The following ABCC11 variants were observed in gnomAD, a reference collection of about 807,000 sequenced individuals.
The protein encoded by ABCC11 is ATP-binding cassette sub-family C member 11.
A neutral mutation model predicts 149.3 loss-of-function variants in ABCC11; 135 were observed. The observed-to-expected ratio is 0.90, with a 90% CI of 0.79 to 1.04. The LOEUF is 1.04. Ranked by LOEUF, ABCC11 falls within the 50% of genes least tolerant of loss-of-function variation. ABCC11 has a pLI of 0.00. For missense variants in ABCC11, 1,680 were observed against 1,722.1 expected, an observed-to-expected ratio of 0.98 and a Z score of 0.43; for synonymous variants, 665 against 671.4, an observed-to-expected ratio of 0.99 and a Z score of 0.15.
At chr16:48,244,795 T>C (rs933585544) in intron 1 of ABCC11, among the ~76,000 whole-genome samples, 6 of 152,218 alleles carry the variant, frequency 3.9e-5, no homozygotes, top group African/African-American at 1.4e-4. Flanking sequence ...ACCTGCCCCA[T>C]GACCATGAAT....
chr16:48,167,376 A>C lies in ABCC11; in HGVS notation c.4057-10T>G. ...GATCAAATTCTACCACCTGGAGGGT[A>C]GAGAAAGGCGAGGGGAGGATCAGGG... On this transcript the variant is annotated splice_polypyrimidine_tract_variant and intron_variant, in intron 29 of 29. Coordinates refer to ENST00000356608, the MANE Select transcript of ABCC11 (RefSeq NM_001370497.1). 8.5e-6 allele frequency: 12 copies of C among 1,412,364 alleles called. No individual in the cohort carries two copies. Among genetic ancestry groups the C allele is most frequent in the African/African-American group, 1.4e-5 (1 of 70,774 alleles). The allele number at this position is 1,412,364 out of a possible 1,614,324, so 87.5% of individuals were successfully genotyped here. A position where few individuals can be genotyped will look rare whatever the true frequency, so the allele number is the denominator to read the frequency against.
At chr16:48,198,539 G>A (rs1331538955) in intron 15 of ABCC11, among the ~76,000 whole-genome samples, 4 of 151,704 alleles carry the variant, frequency 2.6e-5, no homozygotes, top group Admixed American at 6.6e-5. Context: ...GAAGATTTTT[G>A]AAGAATTATG....
intron 27 of ABCC11, 88 bp downstream of exon 27, chr16:48,170,801 G>T: frequency 8.1e-7 from 1 of 1,227,496 alleles, no homozygotes; most frequent in Non-Finnish European, 1.2e-6. Flanking sequence ...AGCAGCAGCT[G>T]GAACACCACA....
At chr16:48,229,743 C>T (rs1390577261) in intron 3 of ABCC11, among the ~76,000 whole-genome samples, 3 of 152,142 alleles carry the variant, frequency 2.0e-5, no homozygotes, top group Non-Finnish European at 2.9e-5. Flanking sequence ...GGATTACAGG[C>T]GTGAGCCACC....
chr16:48,244,957 C>T (rs2150951729), intron 1 of ABCC11, among the ~76,000 whole-genome samples: 1 of 152,294 alleles, frequency 6.6e-6, no homozygotes, highest in East Asian at 1.9e-4. Context: ...CTTTCCAGGC[C>T]CTTTCTTTCT....
intron 6 of ABCC11, among the ~76,000 whole-genome samples, chr16:48,218,055 G>T (rs764253134): frequency 2.1e-4 from 32 of 152,068 alleles, no homozygotes; most frequent in Non-Finnish European, 4.1e-4. Flanking sequence ...CCAACACTCT[G>T]GGAGGCTGAG....
In ABCC11 at chr16:48,222,643, C is replaced by T; in HGVS notation, c.732G>A (p.Glu244=). Residue 244 remains glutamate, a synonymous_variant, in exon 6 of 30, where the codon GAG becomes GAA. Coordinates refer to ENST00000356608, the MANE Select transcript of ABCC11 (RefSeq NM_001370497.1). The stretch of plus-strand genomic sequence containing the variant: ...TTACAGACTTAAATTGGATGAGCTT[C>T]TCAAAGGCAAAGGAGGAAACAGCTG... The part of the protein sequence containing the change: ...FRAAVSSFAF[E]KLIQFKSVIH... The T allele has an allele frequency of 1.1e-5, 18 of 1,614,180 alleles. No homozygotes were observed. The highest frequency in any genetic ancestry group is 1.5e-5 in the Non-Finnish European group (18 of 1,180,036).
intron 5 of ABCC11, 48 bp downstream of exon 5, chr16:48,224,234 A>G (rs1193340664): frequency 6.3e-7 from 1 of 1,586,800 alleles, no homozygotes; most frequent in African/African-American, 1.4e-5. Flanking sequence ...CCATCGCTAA[A>G]CCTCTGAAGC....
At chr16:48,243,530 A>G (rs1057094536) in intron 1 of ABCC11, among the ~76,000 whole-genome samples, 6 of 152,220 alleles carry the variant, frequency 3.9e-5, no homozygotes, top group African/African-American at 1.2e-4. Flanking sequence ...ACCAGATCCA[A>G]TGAAGGACAT....
intron 17 of ABCC11, among the ~76,000 whole-genome samples, chr16:48,197,670 C>G (rs181553450): frequency 2.8e-4 from 42 of 152,280 alleles, no homozygotes; most frequent in Admixed American, 4.6e-4. Flanking sequence ...TGTCTAGATG[C>G]CTGGTCAAGT....
At chr16:48,184,366 C>G in intron 23 of ABCC11, 74 bp downstream of exon 23, 8 of 1,536,182 alleles carry the variant, frequency 5.2e-6, no homozygotes, top group Non-Finnish European at 7.1e-6. Context: ...TGAGGACCCC[C>G]TGAGTCTGCC....
At chr16:48,215,141 G>C in intron 8 of ABCC11, 56 bp downstream of exon 8, 4 of 1,593,630 alleles carry the variant, frequency 2.5e-6, no homozygotes, top group Non-Finnish European at 3.4e-6. Flanking sequence ...AGGTGAGAGG[G>C]GCTCGGCTTA....
intron 28 of ABCC11, among the ~76,000 whole-genome samples, chr16:48,169,469 G>T (rs975347628): frequency 2.0e-5 from 3 of 152,162 alleles, no homozygotes; most frequent in African/African-American, 7.2e-5. Context: ...TTATTAAATA[G>T]GGAATCCTTT....
chr16:48,182,376 G>C (rs940730017), intron 23 of ABCC11, among the ~76,000 whole-genome samples: 1 of 152,134 alleles, frequency 6.6e-6, no homozygotes, highest in African/African-American at 2.4e-5. Flanking sequence ...ATAACAGCTG[G>C]GCTGACTGGG....
chr16:48,171,099 C>T, intron 26 of ABCC11, 132 bp from the exon 27 acceptor site: 1 of 826,476 alleles, frequency 1.2e-6, no homozygotes, highest in South Asian at 1.6e-5. Flanking sequence ...GGAACCACCA[C>T]AAATGGAGAT....
At chr16:48,193,388 G>C (rs2150789795) in intron 19 of ABCC11, among the ~76,000 whole-genome samples, 1 of 152,260 alleles carries the variant, frequency 6.6e-6, no homozygotes. Flanking sequence ...GCCCTGTCCT[G>C]TCCTAGGGCA....
At chr16:48,201,738 C>A (rs1025357157) in intron 14 of ABCC11, among the ~76,000 whole-genome samples, 5 of 152,158 alleles carry the variant, frequency 3.3e-5, no homozygotes, top group African/African-American at 4.8e-5. Flanking sequence ...CTGCAAGGAG[C>A]TTTACTGACG....
chr16:48,193,663 A>T (rs1332815390), intron 19 of ABCC11, among the ~76,000 whole-genome samples: 2 of 152,172 alleles, frequency 1.3e-5, no homozygotes, highest in Non-Finnish European at 2.9e-5. Context: ...TTCCAGTAAG[A>T]CTGCACAGGC....
chr16:48,225,984 TC>T (rs1176600671), intron 4 of ABCC11, among the ~76,000 whole-genome samples: 1 of 152,186 alleles, frequency 6.6e-6, no homozygotes, highest in Non-Finnish European at 1.5e-5. Context: ...AATCAGGAGA[TC>T]TTGTACTCAC....
Sources: gnomAD v4.1 joint callset for allele counts (sites outside exome capture counted in the v4.1 genomes callset) on GRCh38, gnomAD v4.1.1 for gene constraint, MANE v1.5 for transcripts, NCBI Gene and HGNC (gene_info 2026-07-23, HGNC 2026-07-21) for gene names.